VDAC1: variants seen among roughly 807,000 people sequenced by gnomAD.
The protein encoded by VDAC1 is voltage dependent anion channel 1, also known as non-selective voltage-gated ion channel VDAC1.
A neutral mutation model predicts 34.7 loss-of-function variants in VDAC1; 10 were observed. The observed-to-expected ratio is 0.29, with a 90% CI of 0.18 to 0.49. The LOEUF (loss-of-function observed/expected upper bound fraction) is 0.49, where lower values mean the gene tolerates loss of function less well. Ranked by LOEUF, VDAC1 falls within the 20% of genes least tolerant of loss-of-function variation. The pLI, the probability that VDAC1 is intolerant of heterozygous loss-of-function variation, is 0.99. For missense variants in VDAC1, 230 were observed against 347.9 expected, an observed-to-expected ratio of 0.66 and a Z score of 2.69; for synonymous variants, 130 against 136.0, an observed-to-expected ratio of 0.96 and a Z score of 0.30.
the VDAC1 span, among the ~76,000 whole-genome samples, chr5:134,070,509 A>C: frequency 2.6e-5 from 4 of 152,146 alleles, no homozygotes; most frequent in Admixed American, 6.5e-5. Flanking sequence ...AGAGTATTAA[A>C]CATTTCAGAA....
the VDAC1 span, among the ~76,000 whole-genome samples, chr5:134,077,368 G>GA: frequency 3.3e-5 from 5 of 151,582 alleles, no homozygotes; most frequent in East Asian, 3.9e-4. Flanking sequence ...CCTGGCACAG[G>GA]AAAAAAAACT....
At chr5:133,983,250 A>T (rs1224758885) in intron 5 of VDAC1, among the ~76,000 whole-genome samples, 4 of 140,066 alleles carry the variant, frequency 2.9e-5, no homozygotes, top group African/African-American at 1.0e-4. Flanking sequence ...CTCCATCTTT[A>T]AAAAAAAAAA....
chr5:133,983,465 G>C (rs560163978), intron 5 of VDAC1, among the ~76,000 whole-genome samples: 1 of 152,008 alleles, frequency 6.6e-6, no homozygotes, highest in Non-Finnish European at 1.5e-5. Flanking sequence ...CCACAGGTTG[G>C]TAACTATCAA....
At chr5:134,073,809 T>TTG in the VDAC1 span, among the ~76,000 whole-genome samples, 511 of 150,642 alleles carry the variant, frequency 3.4e-3, 2 homozygotes, top group East Asian at 0.011. Context: ...TAACTCAGAC[T>TTG]TGTGTGTGTG....
At chr5:134,094,104 AGGTG>A in the VDAC1 span, among the ~76,000 whole-genome samples, 2 of 152,224 alleles carry the variant, frequency 1.3e-5, no homozygotes, top group African/African-American at 4.8e-5. Flanking sequence ...GGTGGAAGGC[AGGTG>A]CCCTGCTTCT....
At chr5:133,992,396 T>C (rs756657741) in intron 2 of VDAC1, 41 bp from the exon 3 acceptor site, 6 of 1,489,560 alleles carry the variant, frequency 4.0e-6, no homozygotes, top group South Asian at 1.3e-5. Flanking sequence ...GTTAAATAAC[T>C]AGAGAACAGC....
chr5:134,021,347 C>A, the VDAC1 span, among the ~76,000 whole-genome samples: 2 of 151,478 alleles, frequency 1.3e-5, no homozygotes, highest in African/African-American at 4.9e-5. Context: ...AGCCCCCCAC[C>A]CTCCGAAAGG....
At chr5:134,062,458 G>A in the VDAC1 span, among the ~76,000 whole-genome samples, 2 of 151,764 alleles carry the variant, frequency 1.3e-5, no homozygotes, top group East Asian at 3.9e-4. Context: ...TCTATATACA[G>A]TTTGCTAATA....
At chr5:134,045,067 T>C in the VDAC1 span, among the ~76,000 whole-genome samples, 2 of 152,234 alleles carry the variant, frequency 1.3e-5, no homozygotes, top group Non-Finnish European at 2.9e-5. Flanking sequence ...TTCCATTCCT[T>C]GTGCTTCCCA....
the VDAC1 span, among the ~76,000 whole-genome samples, chr5:134,021,122 A>G: frequency 1.3e-5 from 2 of 151,980 alleles, no homozygotes; most frequent in Non-Finnish European, 2.9e-5. Context: ...CCGGGAGGTC[A>G]AGGCTACAGT....
At chr5:134,042,822 T>G in the VDAC1 span, among the ~76,000 whole-genome samples, 1 of 152,288 alleles carries the variant, frequency 6.6e-6, no homozygotes, top group African/African-American at 2.4e-5. Flanking sequence ...CCAGGCACCA[T>G]CTTACCTGCC....
the VDAC1 span, among the ~76,000 whole-genome samples, chr5:134,061,737 G>T: frequency 6.6e-6 from 1 of 151,600 alleles, no homozygotes; most frequent in Non-Finnish European, 1.5e-5. Context: ...TTCTTCCATT[G>T]TAATTTTTAT....
chr5:134,006,750 A>C (rs142243883), upstream of VDAC1, among the ~76,000 whole-genome samples: 19,796 of 64,220 alleles, frequency 0.31, 2,400 homozygotes, highest in Non-Finnish European at 0.37. Context: ...CCCCCCCCCA[A>C]AAAAAAAAAA....
At chr5:133,984,920 A>T (rs1752850585) in intron 5 of VDAC1, among the ~76,000 whole-genome samples, 1 of 152,212 alleles carries the variant, frequency 6.6e-6, no homozygotes, top group Non-Finnish European at 1.5e-5. Flanking sequence ...CGGGTGACAG[A>T]GTGAGACTGT....
At chr5:134,097,506 T>C in the VDAC1 span, among the ~76,000 whole-genome samples, 1 of 152,226 alleles carries the variant, frequency 6.6e-6, no homozygotes, top group African/African-American at 2.4e-5. Flanking sequence ...CCTTTGGTTG[T>C]TGAAATGGTG....
intron 1 of VDAC1, among the ~76,000 whole-genome samples, chr5:133,993,420 G>A (rs1054036182): frequency 1.3e-5 from 2 of 152,168 alleles, no homozygotes; most frequent in Non-Finnish European, 2.9e-5. Flanking sequence ...CAAAATGTCA[G>A]CTACTAGGAC....
In VDAC1 at chr5:133,990,860, G is replaced by A. The variant is rs147348910; in HGVS notation, c.318C>T (p.Asn106=). The A allele has an allele frequency of 3.9e-6, 6 of 1,555,326 alleles. No homozygotes were observed. Among genetic ancestry groups the A allele is most frequent in the Non-Finnish European group, 4.3e-6 (5 of 1,150,008 alleles). ...KLTFDSSFSP[N]TGKKNAKIKT... ...AAAACAGATGAAACTCTTACCCAGTGTTAGGTGAGAAGGATGAATCGAAGG... is the reference window on the plus strand; with the variant it reads ...AAAACAGATGAAACTCTTACCCAGTATTAGGTGAGAAGGATGAATCGAAGG... Residue 106 remains asparagine (N), a synonymous_variant, in exon 5 of 9, where the codon AAC becomes AAT. Coordinates refer to ENST00000265333, the MANE Select transcript of VDAC1 (RefSeq NM_003374.3).
the VDAC1 span, among the ~76,000 whole-genome samples, chr5:134,010,180 C>G: frequency 4.6e-5 from 7 of 152,178 alleles, no homozygotes; most frequent in Non-Finnish European, 8.8e-5. Context: ...CTAAGACCAT[C>G]ATTGTAAGTA....
chr5:134,085,722 TAAAAAA>T, the VDAC1 span, among the ~76,000 whole-genome samples: 194 of 44,240 alleles, frequency 4.4e-3, 2 homozygotes, highest in Non-Finnish European at 4.9e-3. Flanking sequence ...ACCCCATTTC[TAAAAAA>T]AAAAAAAAAA....
Sources: gnomAD v4.1 joint callset for allele counts (sites outside exome capture counted in the v4.1 genomes callset) on GRCh38, gnomAD v4.1.1 for gene constraint, MANE v1.5 for transcripts, NCBI Gene and HGNC (gene_info 2026-07-23, HGNC 2026-07-21) for gene names.